The following RTF1 variants were observed in gnomAD, a reference collection of about 807,000 sequenced individuals.
RTF1 encodes the protein RNA polymerase-associated protein RTF1 homolog.
RTF1 carries 10 observed loss-of-function variants against 95.7 expected under a neutral mutation model. That is an observed-to-expected ratio of 0.10 (90% CI 0.06 to 0.18). The LOEUF (loss-of-function observed/expected upper bound fraction) is 0.18. Ranked by LOEUF, RTF1 falls within the 10% of genes least tolerant of loss-of-function variation. The pLI is 1.00. For synonymous variants in RTF1, 305 were observed against 311.8 expected, an observed-to-expected ratio of 0.98 and a Z score of 0.23; for missense variants, 458 against 875.6, an observed-to-expected ratio of 0.52 and a Z score of 6.02.
At chr15:41,468,640 A>G (rs757217078) in intron 6 of RTF1, among the ~76,000 whole-genome samples, 21 of 152,244 alleles carry the variant, frequency 1.4e-4, no homozygotes, top group Non-Finnish European at 2.8e-4. Flanking sequence ...CTAATCAGCT[A>G]TTTAGTTACC....
intron 1 of RTF1, among the ~76,000 whole-genome samples, chr15:41,432,661 G>T (rs536383879): frequency 1.3e-5 from 2 of 152,142 alleles, no homozygotes; most frequent in East Asian, 3.9e-4. Context: ...ATACTAGGCT[G>T]GGCATGGTGG....
At chr15:41,418,374 A>G (rs1251442687) in intron 1 of RTF1, among the ~76,000 whole-genome samples, 2 of 152,238 alleles carry the variant, frequency 1.3e-5, no homozygotes, top group Non-Finnish European at 2.9e-5. Flanking sequence ...TAAAATGAAA[A>G]TGTAACATCA....
Position 41,474,717 on chromosome 15 carries a change from T to TG in RTF1, c.1286+19dup. 6.3e-7 allele frequency: 1 copy of TG among 1,594,514 alleles called. No homozygotes were observed. Among genetic ancestry groups the TG allele is most frequent in the Non-Finnish European group, 8.6e-7 (1 of 1,162,118 alleles). Reference sequence around the variant, plus strand: ...CTGCAACTACGGTAGGAGGCACTTCTGGGGTAGCTTCTGCTTCCACTTCAA... The same window carrying TG: ...CTGCAACTACGGTAGGAGGCACTTCTGGGGGTAGCTTCTGCTTCCACTTCAA... On this transcript the variant is annotated intron_variant, in intron 9 of 17. Transcript: ENST00000389629.
At chr15:41,474,585 C>G (rs766087382) in intron 8 of RTF1, 35 bp from the exon 9 acceptor site, 6 of 1,457,410 alleles carry the variant, frequency 4.1e-6, no homozygotes, top group Non-Finnish European at 4.8e-6. Flanking sequence ...CCGGAAGAGT[C>G]TGGTTTTGAC....
intron 2 of RTF1, among the ~76,000 whole-genome samples, chr15:41,439,477 T>C (rs552810800): frequency 6.6e-6 from 1 of 152,260 alleles, no homozygotes; most frequent in African/African-American, 2.4e-5. Flanking sequence ...CTCCGAGTGA[T>C]GGTGTTAACT....
In RTF1 at chr15:41,483,412, CTGTT is replaced by C. The variant is rs1452053607; in HGVS notation, c.*2729_*2732del. On this transcript the variant is annotated 3_prime_UTR_variant, in exon 18 of 18. Transcript: ENST00000389629. ...TGCCTAGTTCATAATGTTTATAGGT[CTGTT>C]TGTCTGTCTTGCTTCTGGCAGGTGT... 3.3e-5 allele frequency: 5 copies of C among 152,602 alleles called. No individual in the cohort carries two copies. The highest frequency in any genetic ancestry group is 7.3e-5 in the Non-Finnish European group (5 of 68,036). 9.5% of individuals were successfully genotyped at this position (152,602 alleles called of 1,614,324 possible).
intron 2 of RTF1, among the ~76,000 whole-genome samples, chr15:41,448,282 T>C (rs922067726): frequency 6.6e-6 from 1 of 152,120 alleles, no homozygotes; most frequent in Non-Finnish European, 1.5e-5. Flanking sequence ...TAAATAAGAA[T>C]AATACTGAGA....
chr15:41,479,386 A>C (rs1427493157), intron 16 of RTF1, among the ~76,000 whole-genome samples, 188 bp downstream of exon 16: 1 of 152,128 alleles, frequency 6.6e-6, no homozygotes, highest in African/African-American at 2.4e-5. Flanking sequence ...ACCTGACACC[A>C]CTACTTGCCT....
intron 3 of RTF1, among the ~76,000 whole-genome samples, chr15:41,454,371 G>T (rs2050802587): frequency 1.3e-5 from 2 of 152,020 alleles, no homozygotes; most frequent in Non-Finnish European, 2.9e-5. Flanking sequence ...GATTACAGGT[G>T]TGAGCCGCCA....
At chr15:41,434,140 T>C (rs1467001985) in intron 1 of RTF1, among the ~76,000 whole-genome samples, 10 of 141,876 alleles carry the variant, frequency 7.0e-5, no homozygotes, top group South Asian at 2.3e-4. Flanking sequence ...CCACCACGCC[T>C]GGCCTTTTTT....
At chr15:41,473,003 A>G (rs905342089) in intron 8 of RTF1, among the ~76,000 whole-genome samples, 2 of 150,688 alleles carry the variant, frequency 1.3e-5, no homozygotes, top group African/African-American at 4.9e-5. Flanking sequence ...ACCCGGCCTC[A>G]CTTTGGGATT....
At chr15:41,477,538 A>G (rs1016329451) in intron 14 of RTF1, 23 bp downstream of exon 14, 1 of 1,599,422 alleles carries the variant, frequency 6.3e-7, no homozygotes, top group African/African-American at 1.3e-5. Context: ...TATCTGAATC[A>G]CTAAAACAAA....
chr15:41,474,952 A>G (rs1393202190), intron 9 of RTF1, among the ~76,000 whole-genome samples: 1 of 151,774 alleles, frequency 6.6e-6, no homozygotes, highest in Non-Finnish European at 1.5e-5. Context: ...GTTATGAGAG[A>G]CCCTCCCAGA....
At chr15:41,463,334 A>T (rs201976931) in intron 4 of RTF1, among the ~76,000 whole-genome samples, 1 of 152,194 alleles carries the variant, frequency 6.6e-6, no homozygotes, top group Non-Finnish European at 1.5e-5. Flanking sequence ...TTTTGAGTGT[A>T]TACTGGAAAG....
intron 2 of RTF1, among the ~76,000 whole-genome samples, chr15:41,450,261 CAG>C (rs2050783419): frequency 6.6e-6 from 1 of 152,172 alleles, no homozygotes; most frequent in South Asian, 2.1e-4. Flanking sequence ...TCCAACTTCT[CAG>C]TACTGTAAGA....
chr15:41,462,071 G>A (rs1193549109), intron 4 of RTF1, among the ~76,000 whole-genome samples: 2 of 151,930 alleles, frequency 1.3e-5, no homozygotes, highest in East Asian at 3.8e-4. Context: ...ACTTTTTTTA[G>A]TGACTATAAG....
chr15:41,458,143 C>G (rs772745165), intron 4 of RTF1, among the ~76,000 whole-genome samples: 25 of 152,194 alleles, frequency 1.6e-4, no homozygotes, highest in Non-Finnish European at 3.2e-4. Flanking sequence ...ATCTTCACAA[C>G]TGCTCTGTGA....
In RTF1 at chr15:41,464,840, A is replaced by G; in HGVS notation, c.732A>G (p.Glu244=). 1.3e-6 allele frequency: 2 copies of G among 1,546,396 alleles called. No individual in the cohort carries two copies. The highest frequency in any genetic ancestry group is 1.7e-6 in the Non-Finnish European group (2 of 1,147,892). The part of the protein sequence containing the change: ...KEKKEKKKKQ[E]EEQEKKKLTQ... The stretch of plus-strand genomic sequence containing the variant: ...AGAAAGAAAAGAAGAAAAAGCAAGA[A>G]GAGGAGCAAGAAAAGAAAAAACTGA... The change falls in exon 5 of 18, where the codon GAA becomes GAG. Residue 244 remains glutamate, a synonymous_variant. Transcript: ENST00000389629.
In RTF1 at chr15:41,457,666, T is replaced by G; in HGVS notation, c.458-6T>G. On this transcript the variant is annotated splice_region_variant and splice_polypyrimidine_tract_variant and intron_variant, in intron 3 of 17. Transcript: ENST00000389629. ...GTGTAATCTTGTGTTTGGGCCTTTG[T>G]TGCAGGTGAAGTGTCAGACTCTGAC... is the stretch of plus-strand genomic sequence containing the variant. 1 of 1,614,052 alleles carries G rather than the reference T, an allele frequency of 6.2e-7. No homozygotes were observed. The highest frequency in any genetic ancestry group is 8.5e-7 in the Non-Finnish European group (1 of 1,179,900).
Sources: gnomAD v4.1 joint callset for allele counts (sites outside exome capture counted in the v4.1 genomes callset) on GRCh38, gnomAD v4.1.1 for gene constraint, MANE v1.5 for transcripts, NCBI Gene and HGNC (gene_info 2026-07-23, HGNC 2026-07-21) for gene names.